CCDC50: variants seen among roughly 807,000 people sequenced by gnomAD.
CCDC50 encodes coiled-coil domain containing 50.
In CCDC50, 54 loss-of-function variants were observed where a neutral mutation model predicts 70.2. That is an observed-to-expected ratio of 0.77 (90% confidence interval 0.62 to 0.96). The LOEUF is 0.96. Ranked by LOEUF, CCDC50 falls within the 50% of genes least tolerant of loss-of-function variation. CCDC50 has a pLI of 0.00. For synonymous variants in CCDC50, 216 were observed against 198.8 expected, an observed-to-expected ratio of 1.09 and a Z score of -0.73; for missense variants, 558 against 578.7, an observed-to-expected ratio of 0.96 and a Z score of 0.37.
chr3:191,373,222 G>A (rs1425756644), intron 5 of CCDC50, among the ~76,000 whole-genome samples: 1 of 151,956 alleles, frequency 6.6e-6, no homozygotes, highest in East Asian at 1.9e-4. Context: ...AACTGTATGA[G>A]GTTTTAAAGC....
At chr3:191,368,348 T>C (rs572037071) in intron 4 of CCDC50, among the ~76,000 whole-genome samples, 1 of 152,200 alleles carries the variant, frequency 6.6e-6, no homozygotes, top group South Asian at 2.1e-4. Flanking sequence ...CTTAAGTGTC[T>C]GAAACTATTG....
Position 191,367,183 on chromosome 3 carries a change from A to T in CCDC50, c.331-2736A>T, listed in dbSNP as rs188422785. ...TGCATGACATGTTATGATTATTATT[A>T]TTTTTTTACTTGATTAAAAGCACTT... On this transcript the variant is annotated intron_variant, in intron 4 of 11. Coordinates refer to ENST00000392455, the MANE Select transcript of CCDC50 (RefSeq NM_178335.3). Among the ~76,000 whole-genome samples the T allele has an allele frequency of 3.7e-4, 57 of 152,030 alleles. No homozygotes were observed. The East Asian group carries it at 0.01, about 27-fold the overall frequency.
chr3:191,377,108 C>A (rs533000952), intron 6 of CCDC50, among the ~76,000 whole-genome samples: 2 of 152,116 alleles, frequency 1.3e-5, no homozygotes, highest in East Asian at 1.9e-4. Context: ...TGTTACCAGG[C>A]GGATATTAAA....
intron 1 of CCDC50, among the ~76,000 whole-genome samples, chr3:191,348,495 C>T (rs1712000586): frequency 1.4e-5 from 2 of 142,210 alleles, no homozygotes; most frequent in African/African-American, 5.0e-5. Context: ...TCTGTGTCGA[C>T]TTTGTGGACA....
chr3:191,367,127 T>C (rs1712721635), intron 4 of CCDC50, among the ~76,000 whole-genome samples: 1 of 152,092 alleles, frequency 6.6e-6, no homozygotes, highest in South Asian at 2.1e-4. Context: ...AGCTGAGAGC[T>C]TAGAAGAGCA....
Position 191,329,545 on chromosome 3 carries a change from T to G in CCDC50, c.-130T>G. The stretch of plus-strand genomic sequence containing the variant: ...CCTGCCCGCCCGACCCGCTCCGTTC[T>G]CCGGCCTGCGAGCCCTGCCGGCCGG... On this transcript the variant is annotated 5_prime_UTR_variant, in exon 1 of 12. Transcript: ENST00000392455. 1 of 846,582 alleles carries G rather than the reference T, an allele frequency of 1.2e-6. No homozygotes were observed. Among genetic ancestry groups the G allele is most frequent in the Non-Finnish European group, 1.7e-6 (1 of 572,426 alleles). 52.4% of individuals were successfully genotyped at this position (846,582 alleles called of 1,614,324 possible).
chr3:191,369,862 A>G (rs1364910807), intron 4 of CCDC50, 57 bp from the exon 5 acceptor site: 2 of 1,231,602 alleles, frequency 1.6e-6, no homozygotes, highest in East Asian at 2.3e-5. Flanking sequence ...GCCCCACCAT[A>G]TGGAGTTTGT....
At chr3:191,329,826 G>C (rs1169410969) in intron 1 of CCDC50, 103 bp downstream of exon 1, 1 of 1,230,286 alleles carries the variant, frequency 8.1e-7, no homozygotes, top group Non-Finnish European at 1.2e-6. Context: ...GCCCTCGCCC[G>C]GTGCCCGCCC....
intron 3 of CCDC50, among the ~76,000 whole-genome samples, chr3:191,359,919 A>G (rs1251147958): frequency 6.6e-6 from 1 of 152,210 alleles, no homozygotes; most frequent in Non-Finnish European, 1.5e-5. Context: ...CCACTCAAAT[A>G]TAAATCAGGA....
intron 6 of CCDC50, among the ~76,000 whole-genome samples, chr3:191,379,330 C>G (rs1713226678): frequency 6.6e-6 from 1 of 152,098 alleles, no homozygotes; most frequent in African/African-American, 2.4e-5. Flanking sequence ...AAGAGACAAT[C>G]AGGAGTACAT....
intron 1 of CCDC50, among the ~76,000 whole-genome samples, chr3:191,332,113 G>A (rs1718007646): frequency 6.6e-6 from 1 of 152,196 alleles, no homozygotes; most frequent in South Asian, 2.1e-4. Context: ...TTGCTGTTTA[G>A]GAGGGGATGG....
chr3:191,343,763 TC>T (rs758655142), intron 1 of CCDC50, among the ~76,000 whole-genome samples: 3 of 152,208 alleles, frequency 2.0e-5, no homozygotes, highest in Non-Finnish European at 4.4e-5. Context: ...TTAATCAGAA[TC>T]CAGGGTACTT....
intron 5 of CCDC50, among the ~76,000 whole-genome samples, chr3:191,370,732 G>A (rs1213074497): frequency 2.6e-5 from 4 of 151,822 alleles, no homozygotes; most frequent in Admixed American, 1.3e-4. Flanking sequence ...CAAGTAATCC[G>A]CCCACATCAG....
At chr3:191,357,234 G>T in intron 2 of CCDC50, 84 bp downstream of exon 2, 1 of 1,059,956 alleles carries the variant, frequency 9.4e-7, no homozygotes. Context: ...CTTAGGTGGG[G>T]AGAGAGCACA....
intron 4 of CCDC50, among the ~76,000 whole-genome samples, chr3:191,362,355 G>A (rs1293510219): frequency 6.6e-6 from 1 of 151,860 alleles, no homozygotes; most frequent in Non-Finnish European, 1.5e-5. Flanking sequence ...AAACTCCTGT[G>A]CTCAAGCTGT....
chr3:191,344,171 T>C (rs926731607), intron 1 of CCDC50, among the ~76,000 whole-genome samples: 18 of 152,214 alleles, frequency 1.2e-4, no homozygotes, highest in African/African-American at 3.9e-4. Context: ...TGCATGCACA[T>C]GCAGAAGGTT....
chr3:191,390,594 C>A lies in CCDC50; in HGVS notation c.1429+992C>A, dbSNP rs956217600. On this transcript the variant is annotated intron_variant, in intron 11 of 11. Transcript: ENST00000392455. ...CTTATAGGGTAACTTCTGATGTTCCCATGGCATCTGTAACCTGTCATGGCT... is the reference window on the plus strand; with the variant it reads ...CTTATAGGGTAACTTCTGATGTTCCAATGGCATCTGTAACCTGTCATGGCT... Among the ~76,000 whole-genome samples the A allele has an allele frequency of 2.0e-5, 3 of 152,128 alleles. No homozygotes were observed. The East Asian group carries it at 5.8e-4, about 29-fold the overall frequency.
rs546077453 is a variant in CCDC50 at position 191,329,421 on chromosome 3, G to C, written c.-254G>C. On this transcript the variant is annotated 5_prime_UTR_variant, in exon 1 of 12. Transcript: ENST00000392455. The stretch of plus-strand genomic sequence containing the variant: ...TTCCGGGCTCCGGATATTTGGTATC[G>C]ATTGGGGCCGGGGACGCGGAGCAGG... 8.9e-5 allele frequency: 39 copies of C among 437,032 alleles called. No homozygotes were observed. The South Asian group carries it at 1.7e-3, about 19-fold the overall frequency. The allele number at this position is 437,032 out of a possible 1,614,324, so 27.1% of individuals were successfully genotyped here.
intron 1 of CCDC50, among the ~76,000 whole-genome samples, chr3:191,342,998 G>C (rs1384246080): frequency 6.6e-6 from 1 of 152,142 alleles, no homozygotes; most frequent in Admixed American, 6.5e-5. Flanking sequence ...AACAGTGTGG[G>C]TTTGAACTGT....
Sources: allele counts gnomAD v4.1 joint callset (sites outside exome capture counted in the v4.1 genomes callset), GRCh38; gene constraint gnomAD v4.1.1; transcripts MANE v1.5; gene names NCBI Gene and HGNC (gene_info 2026-07-23, HGNC 2026-07-21).